PPIP5K2: variants seen among roughly 807,000 people sequenced by gnomAD.
PPIP5K2 encodes the protein diphosphoinositol pentakisphosphate kinase 2.
PPIP5K2 carries 105 observed loss-of-function variants against 154.6 expected under a neutral mutation model. The ratio of observed to expected loss-of-function variants is 0.68; its 90% CI spans 0.58 to 0.80. The LOEUF is 0.80. Ranked by LOEUF, PPIP5K2 falls within the 30% of genes least tolerant of loss-of-function variation. The pLI is 0.00. For missense variants in PPIP5K2, 992 were observed against 1,504.6 expected (o/e 0.66, Z 5.64); for synonymous variants, 480 against 490.3 (o/e 0.98, Z 0.28).
At chr5:103,189,803 A>G (rs987214214) in intron 28 of PPIP5K2, among the ~76,000 whole-genome samples, 5 of 152,088 alleles carry the variant, frequency 3.3e-5, no homozygotes, top group Middle Eastern at 3.2e-3. Flanking sequence ...AATGAATCAA[A>G]CATCAGTCAA....
intron 19 of PPIP5K2, 82 bp from the exon 20 acceptor site, chr5:103,173,073 C>T: frequency 6.9e-6 from 8 of 1,154,384 alleles, no homozygotes; most frequent in South Asian, 1.9e-5. Context: ...ATTTGTCTCT[C>T]ACTAGACTAA....
At position 103,168,311 on chromosome 5, in the gene PPIP5K2, G is replaced by T. The variant is rs782563150; in HGVS notation, c.2286+16G>T. ...TATCCCTCAGGTAAGTCATTCTTAA[G>T]AATCAATTTCTTATAATATTGAAAA... On this transcript the variant is annotated intron_variant, in intron 19 of 30. Coordinates refer to ENST00000358359, the MANE Select transcript of PPIP5K2 (RefSeq NM_001276277.3). 2 of 1,535,740 alleles carry T rather than the reference G, an allele frequency of 1.3e-6. No homozygotes were observed. The highest frequency in any genetic ancestry group is 1.8e-6 in the Non-Finnish European group (2 of 1,120,020).
Position 103,183,488 on chromosome 5 carries a change from C to A in PPIP5K2, c.3096+81C>A, listed in dbSNP as rs12653086. The stretch of plus-strand genomic sequence containing the variant: ...CAGCTGTCTTTGAGGACATCTAATC[C>A]CTTGTATTTCACATCAGAGTAAATC... On this transcript the variant is annotated intron_variant, in intron 25 of 30. Transcript: ENST00000358359. 53 of 1,179,878 alleles carry A rather than the reference C, an allele frequency of 4.5e-5. No individual in the cohort carries two copies. The East Asian group carries it at 1.4e-3, about 31-fold the overall frequency. 73.1% of individuals were successfully genotyped at this position (1,179,878 alleles called of 1,614,324 possible).
rs1465882573 is a variant in PPIP5K2, at chr5:103,212,283, A to G, written c.*10649A>G. 1 of 152,738 alleles carries G rather than the reference A, an allele frequency of 6.5e-6. No individual in the cohort carries two copies. The highest frequency in any genetic ancestry group is 1.5e-5 in the Non-Finnish European group (1 of 68,010). The allele number at this position is 152,738 out of a possible 1,614,324, so 9.5% of individuals were successfully genotyped here. Reference sequence around the variant, plus strand: ...AAACATACCATGAGGACACTTTCACAATCCAGGGCACACACATGACTCCCG... The same window carrying G: ...AAACATACCATGAGGACACTTTCACGATCCAGGGCACACACATGACTCCCG... On this transcript the variant is annotated 3_prime_UTR_variant, in exon 31 of 31. Transcript: ENST00000358359.
rs565327469 is a variant in PPIP5K2 at position 103,148,484 on chromosome 5, T to G, written c.744+452T>G. ...TTAGTTGGTGACAAATAGGTCTTAA[T>G]CGCTTTACCTTCAGCCATTCTCTCT... is the stretch of plus-strand genomic sequence containing the variant. On this transcript the variant is annotated intron_variant, in intron 7 of 30. Coordinates refer to ENST00000358359, the MANE Select transcript of PPIP5K2 (RefSeq NM_001276277.3). 2.0e-5 allele frequency among the ~76,000 whole-genome samples: 3 copies of G among 152,284 alleles called. No individual in the cohort carries two copies. The East Asian group carries it at 5.8e-4, about 29-fold the overall frequency.
chr5:103,188,344 C>T (rs79422356), intron 28 of PPIP5K2, among the ~76,000 whole-genome samples: 1 of 152,212 alleles, frequency 6.6e-6, no homozygotes, highest in East Asian at 1.9e-4. Flanking sequence ...CTTTCAAAAA[C>T]TCAAGTCAGA....
At position 103,130,248 on chromosome 5, in the gene PPIP5K2, T is replaced by C. The variant is rs139965972; in HGVS notation, c.114+545T>C. ...TCTAAAACTTGTTCTCTTTCTGATA[T>C]CATGTTCTATCCATACTGGATCTTA... On this transcript the variant is annotated intron_variant, in intron 2 of 30. Transcript: ENST00000358359. Among the ~76,000 whole-genome samples the C allele has an allele frequency of 3.2e-3, 492 of 152,294 alleles. 3 individuals carry two copies. Among genetic ancestry groups the C allele is most frequent in the African/African-American group, 0.011 (472 of 41,574 alleles).
chr5:103,187,917 G>A (rs561001455), intron 28 of PPIP5K2, among the ~76,000 whole-genome samples: 34 of 151,978 alleles, frequency 2.2e-4, no homozygotes, highest in Non-Finnish European at 1.0e-4. Context: ...AACCCTGTTC[G>A]GTCTGGAGCA....
chr5:103,121,853 A>G (rs1583160635), intron 1 of PPIP5K2, among the ~76,000 whole-genome samples: 1 of 152,248 alleles, frequency 6.6e-6, no homozygotes, highest in East Asian at 1.9e-4. Flanking sequence ...GATTACCCAA[A>G]TAAGTGCTAT....
chr5:103,186,298 T>C, intron 26 of PPIP5K2, 22 bp from the exon 27 acceptor site: 1 of 1,613,214 alleles, frequency 6.2e-7, no homozygotes, highest in Non-Finnish European at 8.5e-7. Context: ...GTTGTGTATG[T>C]ATTTTCTCTA....
At chr5:103,168,359 G>A in intron 19 of PPIP5K2, 64 bp downstream of exon 19, 1 of 1,311,696 alleles carries the variant, frequency 7.6e-7, no homozygotes, top group Non-Finnish European at 1.1e-6. Context: ...ATGTCTGTTG[G>A]TGGATAAAAA....
chr5:103,132,385 C>T (rs1164536684), intron 2 of PPIP5K2, among the ~76,000 whole-genome samples: 5 of 151,248 alleles, frequency 3.3e-5, no homozygotes, highest in Admixed American at 2.0e-4. Flanking sequence ...ACTAAAAATA[C>T]GAAAAAAAAA....
chr5:103,138,142 AGTTT>A (rs1247269329), intron 4 of PPIP5K2, among the ~76,000 whole-genome samples: 2 of 152,160 alleles, frequency 1.3e-5, no homozygotes, highest in Non-Finnish European at 2.9e-5. Flanking sequence ...TTTAATAATT[AGTTT>A]CTCAATAAGC....
In PPIP5K2 at chr5:103,186,362, G is replaced by C. The variant is rs1049080008; in HGVS notation, c.3212G>C (p.Gly1071Ala). The C allele has an allele frequency of 3.1e-6, 5 of 1,613,872 alleles. No individual in the cohort carries two copies. The highest frequency in any genetic ancestry group is 4.2e-6 in the Non-Finnish European group (5 of 1,179,870). Reference sequence around the variant, plus strand: ...CTGTTTAGCACCTCGGTGCTCGGGGGTTCTTCAAGCGCACCTAACCTACAG... The same window carrying C: ...CTGTTTAGCACCTCGGTGCTCGGGGCTTCTTCAAGCGCACCTAACCTACAG... ...AGLFSTSVLG[G>A]SSSAPNLQDY... Residue 1071 changes from glycine to alanine, a missense_variant, in exon 27 of 31, where the codon GGT becomes GCT. Transcript: ENST00000358359.
At position 103,143,317 on chromosome 5, in the gene PPIP5K2, A is replaced by G. The variant is rs78553556; in HGVS notation, c.488-3210A>G. On this transcript the variant is annotated intron_variant, in intron 5 of 30. Coordinates refer to ENST00000358359, the MANE Select transcript of PPIP5K2 (RefSeq NM_001276277.3). ...GTGATTCTCGCACTTCAGCTTCCTG[A>G]GTAGCTGGGACTACAAGCACAAGCC... 9.7e-3 allele frequency among the ~76,000 whole-genome samples: 1,482 copies of G among 152,294 alleles called. 9 individuals are homozygous for G. The highest frequency in any genetic ancestry group is 0.013 in the African/African-American group (526 of 41,552).
chr5:103,150,633 T>C (rs946013628), intron 8 of PPIP5K2, among the ~76,000 whole-genome samples: 16 of 152,068 alleles, frequency 1.1e-4, no homozygotes, highest in Non-Finnish European at 1.9e-4. Context: ...ATTAGCCTTG[T>C]GGTGGCTCAC....
chr5:103,157,505 G>A (rs1308716221), intron 14 of PPIP5K2, among the ~76,000 whole-genome samples: 11 of 152,030 alleles, frequency 7.2e-5, no homozygotes, highest in African/African-American at 2.2e-4. Flanking sequence ...CTGGCCGGGC[G>A]CAGTGGCTCA....
At chr5:103,142,171 C>A (rs1393166462) in intron 5 of PPIP5K2, among the ~76,000 whole-genome samples, 2 of 152,228 alleles carry the variant, frequency 1.3e-5, no homozygotes, top group Non-Finnish European at 2.9e-5. Context: ...GGTCCCGAGC[C>A]CTGCCCTGCG....
At chr5:103,200,491 A>C (rs1261974484) in intron 30 of PPIP5K2, among the ~76,000 whole-genome samples, 2 of 151,504 alleles carry the variant, frequency 1.3e-5, no homozygotes, top group Non-Finnish European at 2.9e-5. Context: ...GTTCTTCCTC[A>C]TATTTAGTAC....
Sources: allele counts gnomAD v4.1 joint callset (sites outside exome capture counted in the v4.1 genomes callset), GRCh38; gene constraint gnomAD v4.1.1; transcripts MANE v1.5; gene names NCBI Gene and HGNC (gene_info 2026-07-23, HGNC 2026-07-21).